GALNT13: variants seen among roughly 807,000 people sequenced by gnomAD.
GALNT13 encodes UDP-GalNAc:polypeptide N-acetylgalactosaminyltransferase 13.
Under a neutral mutation model 64.2 loss-of-function variants are expected in GALNT13, and 28 were observed. The observed-to-expected ratio is 0.44, with a 90% CI of 0.32 to 0.60. The LOEUF (loss-of-function observed/expected upper bound fraction) is 0.60, where lower values mean the gene tolerates loss of function less well. Ranked by LOEUF, GALNT13 falls within the 20% of genes least tolerant of loss-of-function variation. GALNT13 has a pLI of 0.05. For missense variants in GALNT13, 577 were observed against 669.8 expected (o/e 0.86, Z 1.53); for synonymous variants, 214 against 224.6 (o/e 0.95, Z 0.42).
chr2:154,450,383 T>C lies in GALNT13; in HGVS notation c.1531-28T>C, dbSNP rs552566774. The C allele has an allele frequency of 8.2e-6, 13 of 1,587,698 alleles. No individual in the cohort carries two copies. In the East Asian group the frequency reaches 2.2e-4, roughly 27 times the overall value. ...TAGCAAAGCTAAAGACGAAATAAGCTGCACTGATTATTGGTTATCTTTTAC... is the reference window on the plus strand; with the variant it reads ...TAGCAAAGCTAAAGACGAAATAAGCCGCACTGATTATTGGTTATCTTTTAC... On this transcript the variant is annotated intron_variant, in intron 12 of 12. Transcript: ENST00000392825.
At chr2:153,586,007 T>C in the GALNT13 span, among the ~76,000 whole-genome samples, 41,552 of 151,904 alleles carry the variant, frequency 0.27, 6,069 homozygotes, top group South Asian at 0.43. Context: ...AAAAGAATGA[T>C]ATTCACCATC....
At chr2:153,953,310 T>C (rs572666877) in intron 3 of GALNT13, among the ~76,000 whole-genome samples, 5 of 152,300 alleles carry the variant, frequency 3.3e-5, no homozygotes, top group African/African-American at 1.2e-4. Flanking sequence ...AAAAGATACA[T>C]ACATTAGTCA....
At chr2:153,152,829 ACCCTGT>A in the GALNT13 span, among the ~76,000 whole-genome samples, 1 of 152,024 alleles carries the variant, frequency 6.6e-6, no homozygotes, top group South Asian at 2.1e-4. Flanking sequence ...TTAGGTTGAT[ACCCTGT>A]CTTTGCTATT....
At chr2:153,700,155 T>C in the GALNT13 span, among the ~76,000 whole-genome samples, 5 of 152,142 alleles carry the variant, frequency 3.3e-5, 1 homozygote, top group South Asian at 1.0e-3. Flanking sequence ...CACCACCAAG[T>C]TGGCTTCATC....
the GALNT13 span, among the ~76,000 whole-genome samples, chr2:153,432,380 A>C: frequency 1.2e-3 from 179 of 152,302 alleles, 4 homozygotes; most frequent in Non-Finnish European, 1.0e-4. Flanking sequence ...GTTTGGAATG[A>C]ATCTGTTTTG....
At chr2:153,139,601 A>T in the GALNT13 span, among the ~76,000 whole-genome samples, 1 of 152,044 alleles carries the variant, frequency 6.6e-6, no homozygotes, top group Non-Finnish European at 1.5e-5. Context: ...GAGATGGGTA[A>T]GAAGGACAGT....
At chr2:153,277,530 T>G in the GALNT13 span, among the ~76,000 whole-genome samples, 1 of 152,188 alleles carries the variant, frequency 6.6e-6, no homozygotes, top group East Asian at 1.9e-4. Flanking sequence ...ATGAATTTCT[T>G]TGGTAGAGTA....
At chr2:153,268,275 C>T in the GALNT13 span, among the ~76,000 whole-genome samples, 20 of 152,092 alleles carry the variant, frequency 1.3e-4, no homozygotes, top group African/African-American at 4.8e-4. Context: ...AGATATTGGC[C>T]AAATCAAAGG....
chr2:153,981,668 C>T (rs574796591), intron 3 of GALNT13, among the ~76,000 whole-genome samples: 12 of 152,086 alleles, frequency 7.9e-5, no homozygotes, highest in South Asian at 4.2e-4. Flanking sequence ...AATAGTGCTG[C>T]GATATAGTTT....
chr2:153,879,017 T>A (rs373185200), intron 1 of GALNT13, among the ~76,000 whole-genome samples: 23 of 152,326 alleles, frequency 1.5e-4, no homozygotes, highest in African/African-American at 4.6e-4. Context: ...CAGAGTCTCA[T>A]TTAACTGGGA....
the GALNT13 span, among the ~76,000 whole-genome samples, chr2:153,822,561 T>G: frequency 6.6e-6 from 1 of 152,218 alleles, no homozygotes; most frequent in South Asian, 2.1e-4. Context: ...CTGAACAAAC[T>G]AGGCATTAAA....
intron 11 of GALNT13, among the ~76,000 whole-genome samples, chr2:154,425,877 A>G (rs1244809685): frequency 2.6e-5 from 4 of 152,230 alleles, no homozygotes; most frequent in Admixed American, 6.5e-5. Flanking sequence ...GAGATGGGTC[A>G]TGGGAGATGA....
chr2:153,979,346 A>G (rs1364045624), intron 3 of GALNT13, among the ~76,000 whole-genome samples: 2 of 152,276 alleles, frequency 1.3e-5, no homozygotes, highest in Middle Eastern at 3.4e-3. Context: ...TAATGTGGCA[A>G]TAAAGGCTTC....
intron 10 of GALNT13, among the ~76,000 whole-genome samples, chr2:154,401,152 T>A (rs799753): frequency 0.34 from 52,239 of 152,042 alleles, 9,461 homozygotes; most frequent in African/African-American, 0.45. Flanking sequence ...TAGTTAAAGT[T>A]CTTGCCTATA....
At chr2:153,984,691 C>A (rs1694679097) in intron 3 of GALNT13, among the ~76,000 whole-genome samples, 1 of 151,482 alleles carries the variant, frequency 6.6e-6, no homozygotes, top group African/African-American at 2.4e-5. Context: ...AACATGATGC[C>A]CTCCTCTCAC....
At chr2:154,112,110 G>A (rs1703020153) in intron 3 of GALNT13, among the ~76,000 whole-genome samples, 1 of 152,164 alleles carries the variant, frequency 6.6e-6, no homozygotes, top group Admixed American at 6.5e-5. Context: ...TTCCATGATG[G>A]AAGAGGTCCA....
the GALNT13 span, among the ~76,000 whole-genome samples, chr2:153,369,516 G>A: frequency 3.3e-5 from 5 of 152,010 alleles, no homozygotes; most frequent in South Asian, 2.1e-4. Context: ...CCATATGTAC[G>A]GAAGGCAAGC....
At chr2:153,485,847 C>G in the GALNT13 span, among the ~76,000 whole-genome samples, 2 of 152,198 alleles carry the variant, frequency 1.3e-5, no homozygotes, top group Non-Finnish European at 2.9e-5. Context: ...CTGCAGTGAG[C>G]TGTGATCGTG....
chr2:153,480,794 A>G, the GALNT13 span, among the ~76,000 whole-genome samples: 2 of 152,218 alleles, frequency 1.3e-5, no homozygotes, highest in African/African-American at 2.4e-5. Flanking sequence ...CAAGTTGTAC[A>G]GAACTGTGTG....
Sources: allele counts gnomAD v4.1 joint callset (sites outside exome capture counted in the v4.1 genomes callset), GRCh38; gene constraint gnomAD v4.1.1; transcripts MANE v1.5; gene names NCBI Gene and HGNC (gene_info 2026-07-23, HGNC 2026-07-21).